The following GPR107 variants were observed in gnomAD, a reference collection of about 807,000 sequenced individuals.
The protein encoded by GPR107 is protein GPR107.
A neutral mutation model predicts 75.5 loss-of-function variants in GPR107; 31 were observed. The ratio of observed to expected loss-of-function variants is 0.41; its 90% CI spans 0.31 to 0.55. GPR107 has a LOEUF of 0.55. GPR107 is among the 20% of genes least tolerant of loss of function. The probability of loss-of-function intolerance (pLI) is 0.26; values close to 1 mark genes in which losing one functional copy is unlikely to be tolerated. For synonymous variants in GPR107, 267 were observed against 251.3 expected (o/e 1.06, Z -0.59); for missense variants, 572 against 665.7 (o/e 0.86, Z 1.55).
intron 9 of GPR107, among the ~76,000 whole-genome samples, chr9:130,094,287 A>AT (rs1232418726): frequency 6.6e-6 from 1 of 152,186 alleles, no homozygotes; most frequent in Non-Finnish European, 1.5e-5. Context: ...TACTAAAAAT[A>AT]CAAAAAATTA....
chr9:130,125,090 CTTTTT>C lies in GPR107; in HGVS notation c.1356+145_1356+149del, dbSNP rs11461385. The C allele has an allele frequency of 8.2e-5, 13 of 158,174 alleles. No homozygotes were observed. In the East Asian group the frequency reaches 1.2e-3, roughly 15 times the overall value. The allele number at this position is 158,174 out of a possible 1,614,324, so 9.8% of individuals were successfully genotyped here. On this transcript the variant is annotated intron_variant, in intron 15 of 17. Transcript: ENST00000347136. ...ACCTGGAGCTGAGCAGTGTGGCTTG[CTTTTT>C]TTTTTTTTTTTTTTTTTTCTGGAGA... is the stretch of plus-strand genomic sequence containing the variant.
chr9:130,063,810 C>CTTTT (rs1317543145), intron 1 of GPR107, among the ~76,000 whole-genome samples: 3 of 130,236 alleles, frequency 2.3e-5, no homozygotes, highest in Non-Finnish European at 4.9e-5. Flanking sequence ...GGAGTTTATT[C>CTTTT]TTTTTTTTTT....
chr9:130,096,804 G>T (rs1281244757), intron 9 of GPR107, among the ~76,000 whole-genome samples: 1 of 152,134 alleles, frequency 6.6e-6, no homozygotes, highest in African/African-American at 2.4e-5. Context: ...ACTGTTTACT[G>T]GTGTTGCATT....
At chr9:130,118,794 C>T (rs547375293) in intron 14 of GPR107, among the ~76,000 whole-genome samples, 1 of 152,286 alleles carries the variant, frequency 6.6e-6, no homozygotes, top group Admixed American at 6.5e-5. Flanking sequence ...GTTGCTCACC[C>T]CCATTAAGAA....
rs572960242 is a variant in GPR107, at chr9:130,092,749, G to A, written c.863+368G>A. On this transcript the variant is annotated intron_variant, in intron 9 of 17. Coordinates refer to ENST00000347136, the MANE Select transcript of GPR107 (RefSeq NM_020960.5). Reference sequence around the variant, plus strand: ...TTCCACCTAAGCCTCCCAAGTAGCTGGGACTACAGGCGCCCGCCACCACGC... The same window carrying A: ...TTCCACCTAAGCCTCCCAAGTAGCTAGGACTACAGGCGCCCGCCACCACGC... 3.3e-5 allele frequency among the ~76,000 whole-genome samples: 5 copies of A among 152,144 alleles called. No homozygotes were observed. In the East Asian group the frequency reaches 9.7e-4, roughly 29 times the overall value.
intron 15 of GPR107, among the ~76,000 whole-genome samples, chr9:130,126,835 A>G (rs1356735572): frequency 6.6e-6 from 1 of 152,050 alleles, no homozygotes; most frequent in Non-Finnish European, 1.5e-5. Flanking sequence ...TCCACCAAAT[A>G]GGCACAGGTC....
At chr9:130,117,564 G>C (rs1831456103) in intron 14 of GPR107, among the ~76,000 whole-genome samples, 1 of 152,180 alleles carries the variant, frequency 6.6e-6, no homozygotes, top group African/African-American at 2.4e-5. Flanking sequence ...AAACGGGGGA[G>C]CTCCTCTGTC....
chr9:130,119,438 G>C (rs1564682352), intron 14 of GPR107, among the ~76,000 whole-genome samples: 1 of 152,224 alleles, frequency 6.6e-6, no homozygotes, highest in Non-Finnish European at 1.5e-5. Flanking sequence ...CTGCGAGCCA[G>C]CTGCTTTCTG....
intron 14 of GPR107, 109 bp downstream of exon 14, chr9:130,107,648 G>A: frequency 1.2e-6 from 1 of 814,546 alleles, no homozygotes; most frequent in Non-Finnish European, 2.2e-6. Flanking sequence ...CTGTCTTCCT[G>A]GGAGGAGAGC....
Position 130,139,389 on chromosome 9 carries a change from T to A in GPR107, c.*4268T>A, listed in dbSNP as rs1211705411. 1 of 152,240 alleles carries A rather than the reference T, an allele frequency of 6.6e-6. No individual in the cohort carries two copies. The highest frequency in any genetic ancestry group is 6.5e-5 in the Admixed American group (1 of 15,272). The allele number at this position is 152,240 out of a possible 1,614,324, so 9.4% of individuals were successfully genotyped here. Reference sequence around the variant, plus strand: ...CTTGTCACCACCTGGAACGTAGTTATCGGTCGGCAGGCTGAACATACTCCA... The same window carrying A: ...CTTGTCACCACCTGGAACGTAGTTAACGGTCGGCAGGCTGAACATACTCCA... On this transcript the variant is annotated 3_prime_UTR_variant, in exon 18 of 18. Coordinates refer to ENST00000347136, the MANE Select transcript of GPR107 (RefSeq NM_020960.5).
At chr9:130,069,323 A>G (rs1196497261) in intron 1 of GPR107, among the ~76,000 whole-genome samples, 1 of 152,150 alleles carries the variant, frequency 6.6e-6, no homozygotes, top group Non-Finnish European at 1.5e-5. Context: ...TGAAACAGGC[A>G]CCCTTTACCA....
At chr9:130,123,894 T>C (rs536396467) in intron 14 of GPR107, among the ~76,000 whole-genome samples, 20 of 152,330 alleles carry the variant, frequency 1.3e-4, no homozygotes, top group Non-Finnish European at 2.6e-4. Context: ...AGGTGTTGTG[T>C]GCGTGCCTGC....
intron 14 of GPR107, among the ~76,000 whole-genome samples, chr9:130,115,485 C>T (rs1831399762): frequency 6.6e-6 from 1 of 151,778 alleles, no homozygotes; most frequent in East Asian, 1.9e-4. Context: ...AAAAAATAGG[C>T]CAGGCACGGT....
chr9:130,100,873 C>T (rs947962449), intron 11 of GPR107, among the ~76,000 whole-genome samples, 171 bp downstream of exon 11: 1 of 152,190 alleles, frequency 6.6e-6, no homozygotes, highest in Non-Finnish European at 1.5e-5. Flanking sequence ...CTTGGGAAGT[C>T]GGGCTTAGTG....
chr9:130,114,738 T>C (rs1831382750), intron 14 of GPR107: 4 of 1,002,808 alleles, frequency 4.0e-6, no homozygotes, highest in Non-Finnish European at 4.8e-6. Flanking sequence ...ACCGAAAAAC[T>C]TGGGGTCTTT....
At chr9:130,074,900 C>T (rs1177843348) in intron 1 of GPR107, among the ~76,000 whole-genome samples, 3 of 151,286 alleles carry the variant, frequency 2.0e-5, no homozygotes, top group African/African-American at 4.8e-5. Flanking sequence ...TCTTCCTCCC[C>T]ACCCCCCAGC....
chr9:130,074,734 G>C (rs775033424), intron 1 of GPR107, among the ~76,000 whole-genome samples: 3 of 151,994 alleles, frequency 2.0e-5, no homozygotes, highest in Admixed American at 6.6e-5. Context: ...ATCATCTACT[G>C]TATCACTTTT....
chr9:130,060,209 C>A (rs186679985), intron 1 of GPR107, among the ~76,000 whole-genome samples: 2,915 of 151,914 alleles, frequency 0.019, 48 homozygotes, highest in Middle Eastern at 0.031. Flanking sequence ...ATTACAGGCA[C>A]CCACCACTAC....
At chr9:130,095,159 A>G (rs1337285918) in intron 9 of GPR107, among the ~76,000 whole-genome samples, 1 of 151,972 alleles carries the variant, frequency 6.6e-6, no homozygotes, top group Admixed American at 6.6e-5. Context: ...TGAAACTGGG[A>G]CAGTAATAGT....
Sources: allele counts gnomAD v4.1 joint callset (sites outside exome capture counted in the v4.1 genomes callset), GRCh38; gene constraint gnomAD v4.1.1; transcripts MANE v1.5; gene names NCBI Gene and HGNC (gene_info 2026-07-23, HGNC 2026-07-21).